Variants in KCNN3 observed in about 807,000 individuals in gnomAD.
KCNN3 encodes the protein small conductance calcium-activated potassium channel protein 3.
In KCNN3, 16 loss-of-function variants were observed where a neutral mutation model predicts 62.9. The ratio of observed to expected loss-of-function variants is 0.25; its 90% CI spans 0.17 to 0.39. KCNN3 has a LOEUF of 0.39. KCNN3 is among the 10% of genes least tolerant of loss of function. The pLI, the probability that KCNN3 is intolerant of heterozygous loss-of-function variation, is 1.00. For synonymous variants in KCNN3, 370 were observed against 389.2 expected (o/e 0.95, Z 0.58); for missense variants, 599 against 949.4 (o/e 0.63, Z 4.85).
At chr1:154,808,722 C>T (rs890593852) in intron 2 of KCNN3, among the ~76,000 whole-genome samples, 4 of 151,770 alleles carry the variant, frequency 2.6e-5, no homozygotes, top group African/African-American at 9.7e-5. Context: ...GCCCACTCCC[C>T]CGCCTCCCAT....
intron 6 of KCNN3, among the ~76,000 whole-genome samples, chr1:154,714,615 GTGTGTGTGT>G (rs1557938707): frequency 2.2e-4 from 28 of 125,490 alleles, no homozygotes; most frequent in African/African-American, 8.3e-4. Context: ...GGTGTGTGGT[GTGTGTGTGT>G]GTGTGTGTGT....
intron 5 of KCNN3, among the ~76,000 whole-genome samples, chr1:154,717,048 T>C (rs1700247568): frequency 6.6e-6 from 1 of 152,218 alleles, no homozygotes. Context: ...TAGGAGCAAA[T>C]GCTTCATTAT....
At chr1:154,866,478 G>C (rs1016703510) in intron 1 of KCNN3, among the ~76,000 whole-genome samples, 5 of 152,180 alleles carry the variant, frequency 3.3e-5, no homozygotes, top group African/African-American at 1.2e-4. Flanking sequence ...GGCAGAGCTG[G>C]GATTCCAACT....
intron 2 of KCNN3, among the ~76,000 whole-genome samples, chr1:154,783,176 G>A (rs1454932464): frequency 6.7e-6 from 1 of 149,780 alleles, no homozygotes. Flanking sequence ...TCGCACCACT[G>A]TACTCCAGCC....
At chr1:154,734,455 G>A (rs922528120) in intron 3 of KCNN3, among the ~76,000 whole-genome samples, 2 of 152,170 alleles carry the variant, frequency 1.3e-5, no homozygotes, top group South Asian at 4.1e-4. Flanking sequence ...TGCACACAAC[G>A]TGCCGGGACA....
intron 2 of KCNN3, among the ~76,000 whole-genome samples, chr1:154,804,956 C>T (rs1053783565): frequency 1.3e-5 from 2 of 152,182 alleles, no homozygotes; most frequent in Non-Finnish European, 2.9e-5. Flanking sequence ...TAGTGAATTA[C>T]ATTTTCAAGG....
intron 3 of KCNN3, chr1:154,737,210 G>GA (rs925911774): frequency 2.3e-5 from 7 of 301,746 alleles, no homozygotes; most frequent in Non-Finnish European, 4.6e-5. Flanking sequence ...AAAATTTGGG[G>GA]GGGGGGGATA....
chr1:154,773,838 G>C (rs1405399559), intron 2 of KCNN3, among the ~76,000 whole-genome samples: 2 of 152,230 alleles, frequency 1.3e-5, no homozygotes, highest in African/African-American at 4.8e-5. Flanking sequence ...AGATGAAAAA[G>C]TCATGTTTCC....
At chr1:154,829,732 C>T (rs970808473) in intron 1 of KCNN3, among the ~76,000 whole-genome samples, 5 of 152,304 alleles carry the variant, frequency 3.3e-5, no homozygotes, top group South Asian at 2.1e-4. Flanking sequence ...CATCCCTGAA[C>T]GGGGTCCATA....
chr1:154,827,309 G>A (rs569708265), intron 1 of KCNN3, among the ~76,000 whole-genome samples: 3 of 152,102 alleles, frequency 2.0e-5, no homozygotes, highest in African/African-American at 4.8e-5. Flanking sequence ...CCCCTCTTCC[G>A]CTAAAGGGAA....
chr1:154,744,411 C>T (rs78651737), intron 3 of KCNN3, among the ~76,000 whole-genome samples: 7,774 of 152,260 alleles, frequency 0.051, 290 homozygotes, highest in Non-Finnish European at 0.08. Flanking sequence ...TGTATTTTTT[C>T]GGCTGCTAAA....
rs943773592 is a variant in KCNN3 at position 154,706,944 on chromosome 1, C to T, written c.*1032G>A. The T allele has an allele frequency of 1.3e-5, 2 of 152,268 alleles. No homozygotes were observed. The highest frequency in any genetic ancestry group is 2.9e-5 in the Non-Finnish European group (2 of 68,044). 9.4% of individuals were successfully genotyped at this position (152,268 alleles called of 1,614,324 possible). ...CACAATTTCTTGTCCTCTCCCTCCA[C>T]ACTTACAGACATACACCTGGTCATG... On this transcript the variant is annotated 3_prime_UTR_variant, in exon 8 of 8. Transcript: ENST00000271915.
chr1:154,714,181 T>TGGGG (rs138099065), intron 6 of KCNN3, among the ~76,000 whole-genome samples: 3 of 8,538 alleles, frequency 3.5e-4, no homozygotes, highest in South Asian at 5.3e-3. Context: ...GTGTGGTGTG[T>TGGGG]GGTGTGTGTG....
At chr1:154,748,644 A>T (rs766315810) in intron 3 of KCNN3, among the ~76,000 whole-genome samples, 30 of 152,168 alleles carry the variant, frequency 2.0e-4, no homozygotes, top group Non-Finnish European at 3.5e-4. Flanking sequence ...AAGACTCATA[A>T]CTGTCACTTC....
chr1:154,769,867 T>C (rs1198811518), intron 3 of KCNN3, among the ~76,000 whole-genome samples: 2 of 152,240 alleles, frequency 1.3e-5, no homozygotes, highest in East Asian at 3.8e-4. Flanking sequence ...TATCAAGGGA[T>C]CTGCACTATT....
chr1:154,778,536 A>T (rs1648883884), intron 2 of KCNN3, among the ~76,000 whole-genome samples: 1 of 149,752 alleles, frequency 6.7e-6, no homozygotes, highest in African/African-American at 2.5e-5. Flanking sequence ...CCATTCACTT[A>T]CTTCTGTACA....
chr1:154,720,314 T>C (rs1000684870), intron 5 of KCNN3, among the ~76,000 whole-genome samples: 10 of 152,246 alleles, frequency 6.6e-5, no homozygotes, highest in African/African-American at 2.4e-4. Flanking sequence ...GCACCCAATC[T>C]GTCTGGGACA....
chr1:154,792,672 C>T (rs916584867), intron 2 of KCNN3, among the ~76,000 whole-genome samples: 3 of 152,080 alleles, frequency 2.0e-5, no homozygotes, highest in African/African-American at 4.8e-5. Context: ...AGGGTAGAGA[C>T]GGAAAGAGAG....
At chr1:154,848,918 A>C (rs1466023056) in intron 1 of KCNN3, among the ~76,000 whole-genome samples, 1 of 152,148 alleles carries the variant, frequency 6.6e-6, no homozygotes, top group Admixed American at 6.5e-5. Context: ...TGTGTCCCCC[A>C]ACGTCCCCGG....
Sources: gnomAD v4.1 joint callset for allele counts (sites outside exome capture counted in the v4.1 genomes callset) on GRCh38, gnomAD v4.1.1 for gene constraint, MANE v1.5 for transcripts, NCBI Gene and HGNC (gene_info 2026-07-23, HGNC 2026-07-21) for gene names.